The following GRIFIN variants were observed in gnomAD, a reference collection of about 807,000 sequenced individuals.
The protein encoded by GRIFIN is putative grifin.
GRIFIN carries 22 observed loss-of-function variants against 18.2 expected under a neutral mutation model. The observed-to-expected ratio is 1.21, with a 90% CI of 0.86 to 1.73. GRIFIN has a LOEUF of 1.73. GRIFIN is among the 40% of genes most tolerant of loss of function. The pLI, the probability that GRIFIN is intolerant of heterozygous loss-of-function variation, is 0.00. For synonymous variants in GRIFIN, 101 were observed against 82.8 expected, an observed-to-expected ratio of 1.22 and a Z score of -1.19; for missense variants, 200 against 190.1, an observed-to-expected ratio of 1.05 and a Z score of -0.31.
Position 2,475,752 on chromosome 7 carries a change from C to A in GRIFIN, c.169G>T (p.Val57Leu). ...IKPRFSSATV[V>L]GNAFQYGRWG... ...CGGCCGTACTGGAAGGCATTGCCCA[C>A]CACAGTGGCGCTGGAGAACCGGGGC... is the stretch of plus-strand genomic sequence containing the variant. Residue 57 changes from valine to leucine, a missense_variant, in exon 3 of 5, where the codon GTG (valine) becomes TTG (leucine). Coordinates refer to ENST00000614228, the MANE Select transcript of GRIFIN (RefSeq NM_001394787.1). The A allele has an allele frequency of 6.4e-7, 1 of 1,568,602 alleles. No individual in the cohort carries two copies. Among genetic ancestry groups the A allele is most frequent in the Non-Finnish European group, 8.6e-7 (1 of 1,161,914 alleles).
chr7:2,475,140 C>G lies in GRIFIN; in HGVS notation c.419+1G>C, dbSNP rs539208519. Reference sequence around the variant, plus strand: ...GACCTGGGTAGAGGCAGGGACTTTACCCCCAGCTCAGGCCCCTCTTGGCCA... The same window carrying G: ...GACCTGGGTAGAGGCAGGGACTTTAGCCCCAGCTCAGGCCCCTCTTGGCCA... On this transcript the variant is annotated splice_donor_variant, in intron 4 of 4. Transcript: ENST00000614228. LOFTEE classifies it high-confidence loss of function. 61 of 1,577,442 alleles carry G rather than the reference C, an allele frequency of 3.9e-5. No individual in the cohort carries two copies. The highest frequency in any genetic ancestry group is 4.9e-5 in the Non-Finnish European group (57 of 1,169,946).
chr7:2,474,876 G>A lies in GRIFIN; in HGVS notation c.429C>T (p.Gly143=). The change falls in exon 5 of 5, where the codon GGC becomes GGT. Residue 143 remains glycine (G), a synonymous_variant. Transcript: ENST00000614228. ...AKRGLSWGDR[G]Y ...CCTGGGGTGCAGGTGTCACTCAGTA[G>A]CCCCGGTCCCTGCAAACATCCAAGG... The A allele has an allele frequency of 1.8e-6, 1 of 557,336 alleles. No homozygotes were observed. The allele number at this position is 557,336 out of a possible 1,614,324, so 34.5% of individuals were successfully genotyped here. A position where few individuals can be genotyped will look rare whatever the true frequency, so the allele number is the denominator to read the frequency against.
At chr7:2,475,086 G>A in intron 4 of GRIFIN, 55 bp downstream of exon 4, 1 of 1,519,562 alleles carries the variant, frequency 6.6e-7, no homozygotes, top group Non-Finnish European at 8.8e-7. Flanking sequence ...CCCTGCTGGG[G>A]TGGGCAGTGT....
In GRIFIN at chr7:2,475,794, T is replaced by A; in HGVS notation, c.127A>T (p.Ile43Phe). The A allele has an allele frequency of 1.3e-6, 2 of 1,574,270 alleles. No individual in the cohort carries two copies. Among genetic ancestry groups the A allele is most frequent in the Middle Eastern group, 1.7e-4 (1 of 6,004 alleles). The change falls in exon 3 of 5, where the codon ATT becomes TTT. Residue 43 changes from isoleucine (I) to phenylalanine (F), a missense_variant. Coordinates refer to ENST00000614228, the MANE Select transcript of GRIFIN (RefSeq NM_001394787.1). ...ETNFLLETGD[I>F]AFHIKPRFSS... ...AACCGGGGCTTGATGTGGAAGGCAA[T>A]GTCCCCCGTCTCCAACAAGAAGTTA...
chr7:2,475,322 G>T lies in GRIFIN; in HGVS notation c.253-15C>A, dbSNP rs1043857258. On this transcript the variant is annotated splice_polypyrimidine_tract_variant and intron_variant, in intron 3 of 4. Coordinates refer to ENST00000614228, the MANE Select transcript of GRIFIN (RefSeq NM_001394787.1). ...CTGACCTCTATCTGGGCAGGCTGGGGCCAGTGACCTCAGTGCCAGCCCCCA... is the reference window on the plus strand; with the variant it reads ...CTGACCTCTATCTGGGCAGGCTGGGTCCAGTGACCTCAGTGCCAGCCCCCA... 2.5e-6 allele frequency: 4 copies of T among 1,583,626 alleles called. No homozygotes were observed. In the African/African-American group the frequency reaches 5.4e-5, roughly 21 times the overall value.
chr7:2,474,915 C>T, intron 4 of GRIFIN, 30 bp from the exon 5 acceptor site: 1 of 594,932 alleles, frequency 1.7e-6, no homozygotes. Flanking sequence ...GTCCCTAGCT[C>T]CTGCCCTGCC....
rs1434218283 is a variant in GRIFIN at position 2,475,951 on chromosome 7, C to A, written c.61G>T (p.Val21Phe). 6 of 1,598,266 alleles carry A rather than the reference C, an allele frequency of 3.8e-6. No individual in the cohort carries two copies. The highest frequency in any genetic ancestry group is 5.1e-6 in the Non-Finnish European group (6 of 1,179,668). ...TCTCCAGAGTCAGCATGTCCCTGGA[C>A]CAGCAGCTTCCAGCCGGGGGCCAGG... ...GGLAPGWKLLVQGHADSGEDR... is the reference protein window; with the variant it reads ...GGLAPGWKLLFQGHADSGEDR... Residue 21 changes from valine (V) to phenylalanine (F), a missense_variant, in exon 2 of 5, where the codon GTC becomes TTC. Physicochemically the swap from Val to Phe is conservative, Grantham distance 50. Coordinates refer to ENST00000614228, the MANE Select transcript of GRIFIN (RefSeq NM_001394787.1).
chr7:2,474,973 C>T, intron 4 of GRIFIN, 88 bp from the exon 5 acceptor site: 1 of 758,236 alleles, frequency 1.3e-6, no homozygotes, highest in South Asian at 1.8e-5. Flanking sequence ...GCTCCCGTGG[C>T]CGGATATGCA....
chr7:2,475,048 G>T (rs1778930459), intron 4 of GRIFIN, 93 bp downstream of exon 4: 27 of 1,413,378 alleles, frequency 1.9e-5, no homozygotes, highest in Non-Finnish European at 2.5e-5. Flanking sequence ...GCGGAGGAGG[G>T]TCCCCGGATC....
intron 3 of GRIFIN, 59 bp from the exon 4 acceptor site, chr7:2,475,366 C>T (rs775707810): frequency 2.2e-5 from 34 of 1,523,262 alleles, no homozygotes; most frequent in South Asian, 9.6e-5. Context: ...GGTCTGGTCC[C>T]GCTTTTAACG....
intron 2 of GRIFIN, 32 bp downstream of exon 2, chr7:2,475,881 CAGCCCAA>C (rs778351764): frequency 4.0e-5 from 63 of 1,588,922 alleles, no homozygotes; most frequent in Non-Finnish European, 1.6e-5. Context: ...GCCGGCCACC[CAGCCCAA>C]GGCCCAGCGA....
rs1276592523 is a variant in GRIFIN, at chr7:2,475,056, A to C, written c.419+85T>G. On this transcript the variant is annotated intron_variant, in intron 4 of 4. Coordinates refer to ENST00000614228, the MANE Select transcript of GRIFIN (RefSeq NM_001394787.1). ...TCCCCAGGCGGAGGAGGGTCCCCGG[A>C]TCAGGGTGAGAAGCAAAATCCCTGC... 8 of 1,453,502 alleles carry C rather than the reference A, an allele frequency of 5.5e-6. No individual in the cohort carries two copies. In the East Asian group the frequency reaches 2.0e-4, roughly 36 times the overall value. 90.0% of individuals were successfully genotyped at this position (1,453,502 alleles called of 1,614,324 possible). A position where few individuals can be genotyped will look rare whatever the true frequency, so the allele number is the denominator to read the frequency against.
chr7:2,476,369 C>T lies in GRIFIN; in HGVS notation c.12+3G>A, dbSNP rs1046089508. 13 of 1,577,806 alleles carry T rather than the reference C, an allele frequency of 8.2e-6. No individual in the cohort carries two copies. The South Asian group carries it at 1.1e-4, about 14-fold the overall frequency. On this transcript the variant is annotated splice_donor_region_variant and intron_variant, in intron 1 of 4. Transcript: ENST00000614228. ...CCTTCTCCAGGTCCAGGGTCTCACCCACCTGCACTGCCATCTGCTCCCAGC... is the reference window on the plus strand; with the variant it reads ...CCTTCTCCAGGTCCAGGGTCTCACCTACCTGCACTGCCATCTGCTCCCAGC...
In GRIFIN at chr7:2,475,791, C is replaced by A; in HGVS notation, c.130G>T (p.Ala44Ser). 1 of 1,573,432 alleles carries A rather than the reference C, an allele frequency of 6.4e-7. No individual in the cohort carries two copies. Among genetic ancestry groups the A allele is most frequent in the East Asian group, 2.3e-5 (1 of 44,080 alleles). The change falls in exon 3 of 5, where the codon GCC (alanine) becomes TCC (serine). Residue 44 changes from alanine to serine, a missense_variant. Ala to Ser is a moderately conservative substitution (Grantham distance 99, BLOSUM62 1). Transcript: ENST00000614228. ...GAGAACCGGGGCTTGATGTGGAAGG[C>A]AATGTCCCCCGTCTCCAACAAGAAG... is the stretch of plus-strand genomic sequence containing the variant. ...TNFLLETGDI[A>S]FHIKPRFSSA... is the part of the protein sequence containing the mutation.
At chr7:2,476,166 A>G in intron 1 of GRIFIN, 167 bp from the exon 2 acceptor site, 9 of 356,682 alleles carry the variant, frequency 2.5e-5, no homozygotes, top group Non-Finnish European at 3.5e-5. Flanking sequence ...TGTCTTTGTG[A>G]CAGGGTGACC....
Position 2,475,929 on chromosome 7 carries a change from C to G in GRIFIN, c.83G>C (p.Gly28Ala), listed in dbSNP as rs1437737296. 3.1e-6 allele frequency: 5 copies of G among 1,598,360 alleles called. No individual in the cohort carries two copies. The South Asian group carries it at 5.5e-5, about 18-fold the overall frequency. Residue 28 changes from glycine to alanine, a missense_variant, in exon 2 of 5, where the codon GGA (glycine) becomes GCA (alanine). Gly to Ala is a moderately conservative substitution (Grantham distance 60). Coordinates refer to ENST00000614228, the MANE Select transcript of GRIFIN (RefSeq NM_001394787.1). Reference protein sequence around the residue: ...KLLVQGHADSGEDRFETNFLL... With the variant: ...KLLVQGHADSAEDRFETNFLL... ...GGGCGGTGCCGCTGACCTGTCCTCT[C>G]CAGAGTCAGCATGTCCCTGGACCAG...
At position 2,475,717 on chromosome 7, in the gene GRIFIN, C is replaced by T. The variant is rs746439979; in HGVS notation, c.204G>A (p.Pro68=). The change falls in exon 3 of 5, where the codon CCG becomes CCA. Residue 68 remains proline, a synonymous_variant. Coordinates refer to ENST00000614228, the MANE Select transcript of GRIFIN (RefSeq NM_001394787.1). The stretch of plus-strand genomic sequence containing the variant: ...GCGGGAAGATGCTAGACACCTGCTC[C>T]GGGCCCCAGCGGCCGTACTGGAAGG... ...GNAFQYGRWG[P]EQVSSIFPLA... The T allele has an allele frequency of 2.1e-5, 32 of 1,548,992 alleles. No individual in the cohort carries two copies. The highest frequency in any genetic ancestry group is 5.6e-5 in the Admixed American group (3 of 53,688).
Position 2,475,306 on chromosome 7 carries a change from A to ATC in GRIFIN, c.253-1_253dup (p.Ile85ArgfsTer2). 1 of 1,590,544 alleles carries ATC rather than the reference A, an allele frequency of 6.3e-7. No homozygotes were observed. The highest frequency in any genetic ancestry group is 1.1e-5 in the South Asian group (1 of 89,624). ...GTGCTCCGCGTCCCAGCTGACCTCT[A>ATC]TCTGGGCAGGCTGGGGCCAGTGACC... On this transcript the variant is annotated frameshift_variant and splice_region_variant, in exon 4 of 5. Transcript: ENST00000614228. LOFTEE classifies it high-confidence loss of function.
chr7:2,475,792 A>T lies in GRIFIN; in HGVS notation c.129T>A (p.Ile43=), dbSNP rs1028927719. The T allele has an allele frequency of 6.4e-6, 10 of 1,574,222 alleles. No homozygotes were observed. In the Admixed American group the frequency reaches 6.9e-5, roughly 11 times the overall value. ...ETNFLLETGD[I]AFHIKPRFSS... is the part of the protein sequence containing the mutation. ...AGAACCGGGGCTTGATGTGGAAGGC[A>T]ATGTCCCCCGTCTCCAACAAGAAGT... The change falls in exon 3 of 5, where the codon ATT becomes ATA. Residue 43 remains isoleucine (I), a synonymous_variant. Coordinates refer to ENST00000614228, the MANE Select transcript of GRIFIN (RefSeq NM_001394787.1).
Sources: gnomAD v4.1 joint callset for allele counts on GRCh38, gnomAD v4.1.1 for gene constraint, MANE v1.5 for transcripts, NCBI Gene and HGNC (gene_info 2026-07-23, HGNC 2026-07-21) for gene names.